CCSER1: variants seen among roughly 807,000 people sequenced by gnomAD.
The protein encoded by CCSER1 is coiled-coil serine rich protein 1, also known as serine-rich coiled-coil domain-containing protein 1.
CCSER1 carries 41 observed loss-of-function variants against 82.0 expected under a neutral mutation model. The observed-to-expected ratio is 0.50, with a 90% confidence interval of 0.39 to 0.65. The LOEUF is 0.65. CCSER1 is among the 30% of genes least tolerant of loss of function. CCSER1 has a pLI of 0.00. For synonymous variants in CCSER1, 414 were observed against 383.9 expected (o/e 1.08, Z -0.92); for missense variants, 1,119 against 1,064.2 (o/e 1.05, Z -0.72).
chr4:91,095,434 G>A (rs1372794476), intron 10 of CCSER1, among the ~76,000 whole-genome samples: 2 of 152,028 alleles, frequency 1.3e-5, no homozygotes, highest in African/African-American at 2.4e-5. Flanking sequence ...TCAGTGTTCT[G>A]CCTGGCCTGG....
chr4:90,651,197 G>A (rs192563834), intron 6 of CCSER1, among the ~76,000 whole-genome samples: 33 of 152,148 alleles, frequency 2.2e-4, no homozygotes, highest in African/African-American at 7.0e-4. Context: ...GGAAAATAAA[G>A]CCAAATTCAT....
At chr4:90,332,490 C>T (rs1421123857) in intron 3 of CCSER1, among the ~76,000 whole-genome samples, 1 of 152,008 alleles carries the variant, frequency 6.6e-6, no homozygotes, top group Non-Finnish European at 1.5e-5. Flanking sequence ...CCTGCCTTGG[C>T]CCTCCAAAGT....
At chr4:90,957,192 T>G (rs1229380150) in intron 9 of CCSER1, among the ~76,000 whole-genome samples, 2 of 131,110 alleles carry the variant, frequency 1.5e-5, no homozygotes, top group African/African-American at 5.7e-5. Flanking sequence ...AACCTCTGCC[T>G]CCCGGGTTCA....
intron 1 of CCSER1, among the ~76,000 whole-genome samples, chr4:90,160,608 G>A (rs186214241): frequency 6.6e-6 from 1 of 152,264 alleles, no homozygotes; most frequent in Admixed American, 6.5e-5. Flanking sequence ...AATGGCAGTT[G>A]TAGAAGGCAC....
intron 10 of CCSER1, among the ~76,000 whole-genome samples, chr4:91,455,962 T>A (rs1216145429): frequency 2.0e-5 from 3 of 152,118 alleles, no homozygotes; most frequent in Non-Finnish European, 4.4e-5. Context: ...GGAGGTAAAC[T>A]GGAAAAGTCA....
At chr4:91,378,595 G>T (rs1750619700) in intron 10 of CCSER1, among the ~76,000 whole-genome samples, 1 of 152,308 alleles carries the variant, frequency 6.6e-6, no homozygotes, top group South Asian at 2.1e-4. Flanking sequence ...TTTGCACATT[G>T]ATTTTGTATC....
chr4:91,575,474 G>A (rs1763406921), intron 10 of CCSER1, among the ~76,000 whole-genome samples: 1 of 151,620 alleles, frequency 6.6e-6, no homozygotes, highest in Admixed American at 6.6e-5. Flanking sequence ...ATCTAATAAG[G>A]GAGTTCATAC....
intron 1 of CCSER1, among the ~76,000 whole-genome samples, chr4:90,231,946 C>G (rs1744657144): frequency 6.6e-6 from 1 of 151,078 alleles, no homozygotes; most frequent in Admixed American, 6.6e-5. Context: ...AGGAGAACTA[C>G]AAACCACTGC....
At chr4:90,967,438 G>C (rs1248587357) in intron 9 of CCSER1, among the ~76,000 whole-genome samples, 1 of 151,626 alleles carries the variant, frequency 6.6e-6, no homozygotes, top group Admixed American at 6.6e-5. Flanking sequence ...GACAGAGCAA[G>C]ACTTTGTCTC....
intron 5 of CCSER1, among the ~76,000 whole-genome samples, chr4:90,580,173 A>G (rs866778284): frequency 3.3e-5 from 5 of 152,308 alleles, no homozygotes; most frequent in Middle Eastern, 3.4e-3. Flanking sequence ...ATATACACAC[A>G]TATATAATTA....
chr4:91,036,538 T>G (rs1741447531), intron 9 of CCSER1, among the ~76,000 whole-genome samples: 1 of 152,126 alleles, frequency 6.6e-6, no homozygotes, highest in East Asian at 1.9e-4. Flanking sequence ...ATTCATTTGT[T>G]CAAGACAGAA....
At chr4:91,169,901 GA>G (rs1252135991) in intron 10 of CCSER1, among the ~76,000 whole-genome samples, 1 of 152,150 alleles carries the variant, frequency 6.6e-6, no homozygotes. Context: ...TATGCTCAAT[GA>G]AAAATTCCAT....
At chr4:91,499,906 T>C (rs753606834) in intron 10 of CCSER1, among the ~76,000 whole-genome samples, 1 of 152,088 alleles carries the variant, frequency 6.6e-6, no homozygotes, top group Non-Finnish European at 1.5e-5. Context: ...CTTCCTAGTT[T>C]GGCAGTTATG....
intron 3 of CCSER1, among the ~76,000 whole-genome samples, chr4:90,315,894 A>C (rs181684318): frequency 3.9e-5 from 6 of 152,316 alleles, no homozygotes. Flanking sequence ...GGGATTATTT[A>C]GTTCTAGATA....
chr4:90,217,961 A>G (rs1378216057), intron 1 of CCSER1, among the ~76,000 whole-genome samples: 1 of 151,652 alleles, frequency 6.6e-6, no homozygotes, highest in Non-Finnish European at 1.5e-5. Flanking sequence ...ACATCTGGCA[A>G]ATTTTAAAAT....
chr4:91,229,722 A>G (rs1386479164), intron 10 of CCSER1, among the ~76,000 whole-genome samples: 1 of 152,156 alleles, frequency 6.6e-6, no homozygotes, highest in African/African-American at 2.4e-5. Context: ...TTCTCAGCAA[A>G]CTAACACAGG....
intron 5 of CCSER1, among the ~76,000 whole-genome samples, chr4:90,483,407 C>T (rs943281472): frequency 6.6e-6 from 1 of 152,128 alleles, no homozygotes; most frequent in Admixed American, 6.5e-5. Context: ...GAATTTGATC[C>T]TGTCATTATG....
rs541234669 is a variant in CCSER1, at chr4:91,539,489, G to A, written c.2218-59083G>A. On this transcript the variant is annotated intron_variant, in intron 10 of 10. Coordinates refer to ENST00000509176, the MANE Select transcript of CCSER1 (RefSeq NM_001145065.2). The stretch of plus-strand genomic sequence containing the variant: ...AGTTTTTAAGTGCTGCTATTTTACT[G>A]GGATTTCAATAAAATTTATCTCAAA... Among the ~76,000 whole-genome samples the A allele has an allele frequency of 1.1e-4, 16 of 151,922 alleles. 1 individual carries two copies. The highest frequency in any genetic ancestry group is 2.4e-4 in the Non-Finnish European group (16 of 67,924).
chr4:90,343,123 A>T (rs1741717886), intron 3 of CCSER1, among the ~76,000 whole-genome samples: 1 of 152,110 alleles, frequency 6.6e-6, no homozygotes, highest in Admixed American at 6.5e-5. Context: ...GTCATCTTTA[A>T]TATGTTCAAA....
Sources: allele counts gnomAD v4.1 joint callset (sites outside exome capture counted in the v4.1 genomes callset), GRCh38; gene constraint gnomAD v4.1.1; transcripts MANE v1.5; gene names NCBI Gene and HGNC (gene_info 2026-07-23, HGNC 2026-07-21).